Variants in DGLUCY observed in about 807,000 individuals in gnomAD.
DGLUCY encodes the protein D-glutamate cyclase, mitochondrial.
In DGLUCY, 58 loss-of-function variants were observed where a neutral mutation model predicts 58.5. The observed-to-expected ratio is 0.99, with a 90% CI of 0.80 to 1.23. The LOEUF is 1.23. Ranked by LOEUF, DGLUCY falls within the 50% of genes most tolerant of loss-of-function variation. DGLUCY has a pLI of 0.00. For missense variants in DGLUCY, 779 were observed against 784.7 expected (o/e 0.99, Z 0.09); for synonymous variants, 325 against 314.1 (o/e 1.03, Z -0.37).
At chr14:91,176,940 T>TG (rs2048886997) in intron 7 of DGLUCY, among the ~76,000 whole-genome samples, 1 of 149,870 alleles carries the variant, frequency 6.7e-6, no homozygotes, top group African/African-American at 2.5e-5. Flanking sequence ...CTTCCTTCCT[T>TG]CCCTTCTTCT....
chr14:91,080,794 C>T (rs932780438), intron 1 of DGLUCY, among the ~76,000 whole-genome samples: 4 of 152,310 alleles, frequency 2.6e-5, no homozygotes, highest in African/African-American at 7.2e-5. Flanking sequence ...GTGCTTTACA[C>T]TTTAGGAAAA....
chr14:91,223,581 A>G, intron 13 of DGLUCY: 1 of 985,220 alleles, frequency 1.0e-6, no homozygotes, highest in South Asian at 1.4e-5. Flanking sequence ...AGGGACAGAC[A>G]CATTAGTGGC....
chr14:91,085,566 T>TG (rs202191971), intron 1 of DGLUCY, among the ~76,000 whole-genome samples: 7 of 150,828 alleles, frequency 4.6e-5, no homozygotes, highest in African/African-American at 1.7e-4. Context: ...TTTTTTTGTT[T>TG]TTTTTTTTTT....
intron 1 of DGLUCY, among the ~76,000 whole-genome samples, chr14:91,151,154 T>C (rs1371959941): frequency 1.3e-5 from 2 of 152,172 alleles, no homozygotes; most frequent in Non-Finnish European, 2.9e-5. Context: ...TTTCCTTCCT[T>C]TTTAAGGCTG....
At chr14:91,189,462 C>T (rs2273481) in intron 9 of DGLUCY, among the ~76,000 whole-genome samples, 24,077 of 152,088 alleles carry the variant, frequency 0.16, 2,320 homozygotes, top group African/African-American at 0.26. Flanking sequence ...GAATGACCTG[C>T]CGAGTATTCT....
At chr14:91,153,407 T>G (rs1165015041) in intron 1 of DGLUCY, among the ~76,000 whole-genome samples, 1 of 152,146 alleles carries the variant, frequency 6.6e-6, no homozygotes, top group Non-Finnish European at 1.5e-5. Flanking sequence ...GATCTCAAAC[T>G]CCTGTCCTCA....
In DGLUCY at chr14:91,199,746, C is replaced by A; in HGVS notation, c.1296-11C>A. 6.2e-7 allele frequency: 1 copy of A among 1,613,928 alleles called. No individual in the cohort carries two copies. Among genetic ancestry groups the A allele is most frequent in the South Asian group, 1.1e-5 (1 of 91,072 alleles). On this transcript the variant is annotated splice_polypyrimidine_tract_variant and intron_variant, in intron 10 of 13. Transcript: ENST00000256324. ...AGGACCCTCTGACCTCTGACCTTTGCTTCCCGGCAGATTTGACCACCTGGT... is the reference window on the plus strand; with the variant it reads ...AGGACCCTCTGACCTCTGACCTTTGATTCCCGGCAGATTTGACCACCTGGT...
intron 1 of DGLUCY, among the ~76,000 whole-genome samples, chr14:91,108,842 G>A (rs553306589): frequency 6.6e-6 from 1 of 152,258 alleles, no homozygotes; most frequent in East Asian, 1.9e-4. Context: ...CCAGCCCCTT[G>A]AAGGATCTTG....
chr14:91,062,599 ATATATATATAT>A (rs1355284533), intron 1 of DGLUCY, among the ~76,000 whole-genome samples: 1 of 30,370 alleles, frequency 3.3e-5, no homozygotes, highest in Non-Finnish European at 6.4e-5. Context: ...ATATATATAT[ATATATATATAT>A]AAACAATCCT....
rs752090910 is a variant in DGLUCY at position 91,170,154 on chromosome 14, C to T, written c.409C>T (p.Leu137Phe). Reference sequence around the variant, plus strand: ...GGAGGAGGCCTTGGAGAAAGCGGGGCTCCCCAGAAGAGACCCAGCAGGTCA... The same window carrying T: ...GGAGGAGGCCTTGGAGAAAGCGGGGTTCCCCAGAAGAGACCCAGCAGGTCA... The part of the protein sequence containing the change: ...SLEEALEKAG[L>F]PRRDPAGHSQ... Residue 137 changes from leucine to phenylalanine, a missense_variant, in exon 5 of 14, where the codon CTC (leucine) becomes TTC (phenylalanine). Transcript: ENST00000256324. 58 of 1,613,566 alleles carry T rather than the reference C, an allele frequency of 3.6e-5. No individual in the cohort carries two copies. The highest frequency in any genetic ancestry group is 4.8e-5 in the Non-Finnish European group (57 of 1,180,048).
intron 1 of DGLUCY, among the ~76,000 whole-genome samples, chr14:91,090,280 C>T (rs1408797117): frequency 1.3e-5 from 2 of 152,112 alleles, no homozygotes; most frequent in Admixed American, 6.5e-5. Context: ...TCATGGATCT[C>T]GGTGAGGACC....
chr14:91,063,132 TGTAA>T (rs899554698), intron 1 of DGLUCY, among the ~76,000 whole-genome samples: 2 of 152,192 alleles, frequency 1.3e-5, no homozygotes, highest in African/African-American at 4.8e-5. Flanking sequence ...GGAAGACCTT[TGTAA>T]GTAAGTATTA....
rs1436045503 is a variant in DGLUCY, at chr14:91,181,372, T to C, written c.917T>C (p.Met306Thr). 2 of 1,613,758 alleles carry C rather than the reference T, an allele frequency of 1.2e-6. No homozygotes were observed. The highest frequency in any genetic ancestry group is 2.2e-5 in the East Asian group (1 of 44,884). The change falls in exon 8 of 14, where the codon ATG becomes ACG. Residue 306 changes from methionine (M) to threonine (T), a missense_variant. Coordinates refer to ENST00000256324, the MANE Select transcript of DGLUCY (RefSeq NM_001102368.3). ...CAGAAGATCAGAGAACTAGAGTCTATGATCGGCATAGACCCAGGTAAGAAA... is the reference window on the plus strand; with the variant it reads ...CAGAAGATCAGAGAACTAGAGTCTACGATCGGCATAGACCCAGGTAAGAAA... ...ASQKIRELES[M>T]IGIDPGNRGI...
At chr14:91,088,698 G>A (rs977089200) in intron 1 of DGLUCY, among the ~76,000 whole-genome samples, 1 of 152,216 alleles carries the variant, frequency 6.6e-6, no homozygotes, top group Non-Finnish European at 1.5e-5. Context: ...TGCAGGCCAC[G>A]GTGACCTCAA....
intron 1 of DGLUCY, among the ~76,000 whole-genome samples, chr14:91,098,359 G>A (rs1036128602): frequency 2.6e-5 from 4 of 152,180 alleles, no homozygotes; most frequent in Non-Finnish European, 2.9e-5. Flanking sequence ...TCAGGAGGCT[G>A]AGGCAGGAGG....
intron 1 of DGLUCY, among the ~76,000 whole-genome samples, chr14:91,093,126 A>G (rs965354823): frequency 2.6e-5 from 4 of 152,026 alleles, no homozygotes; most frequent in East Asian, 1.9e-4. Context: ...AAATGAATAG[A>G]TACAACAGAA....
At chr14:91,113,452 C>A (rs1489500113), upstream of DGLUCY, among the ~76,000 whole-genome samples, 2 of 152,300 alleles carry the variant, frequency 1.3e-5, no homozygotes, top group South Asian at 4.1e-4. Flanking sequence ...TAGTTACTAT[C>A]TTTTGAGCAC....
chr14:91,188,882 C>G (rs772055838), intron 8 of DGLUCY, 28 bp from the exon 9 acceptor site: 2 of 1,591,416 alleles, frequency 1.3e-6, no homozygotes, highest in South Asian at 2.3e-5. Context: ...AATATAGTTA[C>G]TTTTACATTC....
chr14:91,187,288 C>A (rs1360847908), intron 8 of DGLUCY, among the ~76,000 whole-genome samples: 4 of 152,150 alleles, frequency 2.6e-5, no homozygotes, highest in Non-Finnish European at 5.9e-5. Flanking sequence ...GTGAGCCACC[C>A]CGCCCAGCCA....
Sources: gnomAD v4.1 joint callset for allele counts (sites outside exome capture counted in the v4.1 genomes callset) on GRCh38, gnomAD v4.1.1 for gene constraint, MANE v1.5 for transcripts, NCBI Gene and HGNC (gene_info 2026-07-23, HGNC 2026-07-21) for gene names.